The following SLC18B1 variants were observed in gnomAD, a reference collection of about 807,000 sequenced individuals.
SLC18B1 encodes MFS-type transporter SLC18B1.
SLC18B1 carries 62 observed loss-of-function variants against 53.9 expected under a neutral mutation model. The observed-to-expected ratio is 1.15, with a 90% CI of 0.94 to 1.42. The LOEUF is 1.42. Ranked by LOEUF, SLC18B1 falls within the 40% of genes most tolerant of loss-of-function variation. SLC18B1 has a pLI of 0.00. For synonymous variants in SLC18B1, 217 were observed against 200.9 expected (o/e 1.08, Z -0.68); for missense variants, 598 against 547.3 (o/e 1.09, Z -0.93).
At position 132,798,447 on chromosome 6, in the gene SLC18B1, G is replaced by A. The variant is rs962809968; in HGVS notation, c.10C>T (p.Leu4=). The A allele has an allele frequency of 3.9e-6, 6 of 1,525,356 alleles. No homozygotes were observed. The highest frequency in any genetic ancestry group is 2.6e-6 in the Non-Finnish European group (3 of 1,133,082). The allele number at this position is 1,525,356 out of a possible 1,614,324, so 94.5% of individuals were successfully genotyped here. Residue 4 remains leucine, a synonymous_variant, in exon 1 of 14, where the codon CTG becomes TTG. Coordinates refer to ENST00000275227, the MANE Select transcript of SLC18B1 (RefSeq NM_052831.3). ...GCGCGTGGTCCCTCCAGGTCACCCAGCGCCTCCATCCCCGGTGCGTGGACT... is the reference window on the plus strand; with the variant it reads ...GCGCGTGGTCCCTCCAGGTCACCCAACGCCTCCATCCCCGGTGCGTGGACT... MEA[L]GDLEGPRAPG... is the part of the protein sequence containing the mutation.
intron 11 of SLC18B1, among the ~76,000 whole-genome samples, chr6:132,771,812 C>T (rs950721552): frequency 1.3e-5 from 2 of 152,192 alleles, no homozygotes; most frequent in Admixed American, 1.3e-4. Flanking sequence ...TTAAATGAGG[C>T]TGGGCACAGT....
At chr6:132,775,914 A>T (rs1781086986) in intron 8 of SLC18B1, among the ~76,000 whole-genome samples, 1 of 152,186 alleles carries the variant, frequency 6.6e-6, no homozygotes, top group African/African-American at 2.4e-5. Flanking sequence ...AAGAGAGTTT[A>T]ATCTAGGAGC....
chr6:132,779,349 G>A lies in SLC18B1; in HGVS notation c.714C>T (p.Gly238=), dbSNP rs760229707. 9.9e-6 allele frequency: 16 copies of A among 1,613,742 alleles called. No homozygotes were observed. Among genetic ancestry groups the A allele is most frequent in the East Asian group, 2.2e-5 (1 of 44,876 alleles). ...FWKLIALPKV[G]LIAFVINSLS... is the part of the protein sequence containing the mutation. ...GTGAGTTGATGACGAAGGCTATAAG[G>A]CCAACTTTGGGTAAAGCGATCAGTT... The change falls in exon 7 of 14, where the codon GGC becomes GGT. Residue 238 remains glycine (G), a synonymous_variant. Transcript: ENST00000275227.
chr6:132,778,097 G>C (rs1391599902), intron 7 of SLC18B1, among the ~76,000 whole-genome samples: 1 of 152,136 alleles, frequency 6.6e-6, no homozygotes, highest in Non-Finnish European at 1.5e-5. Context: ...GCAGGGGCGA[G>C]GGACACAAGG....
At chr6:132,775,778 G>A (rs1447666895) in intron 8 of SLC18B1, among the ~76,000 whole-genome samples, 1 of 152,196 alleles carries the variant, frequency 6.6e-6, no homozygotes, top group African/African-American at 2.4e-5. Context: ...CACTCACACA[G>A]AAAATCTAAA....
At position 132,796,997 on chromosome 6, in the gene SLC18B1, C is replaced by G. The variant is rs41286190; in HGVS notation, c.168G>C (p.Pro56=). ...GSMMCYSILG[P]FFPKEAEKKG... ...AATGTCTTACCTCTTTGGGGAAAAACGGTCCAAGTATAGAATAGCACATCA... is the reference window on the plus strand; with the variant it reads ...AATGTCTTACCTCTTTGGGGAAAAAGGGTCCAAGTATAGAATAGCACATCA... Residue 56 remains proline (P), a synonymous_variant, in exon 2 of 14, where the codon CCG becomes CCC. Transcript: ENST00000275227. The G allele has an allele frequency of 2.5e-6, 4 of 1,612,264 alleles. No individual in the cohort carries two copies. Among genetic ancestry groups the G allele is most frequent in the African/African-American group, 1.3e-5 (1 of 74,838 alleles).
intron 9 of SLC18B1, among the ~76,000 whole-genome samples, chr6:132,773,342 A>G (rs1261693798): frequency 6.6e-6 from 1 of 152,124 alleles, no homozygotes; most frequent in Non-Finnish European, 1.5e-5. Context: ...TTGGTTACAC[A>G]TATCACATAT....
intron 6 of SLC18B1, 118 bp downstream of exon 6, chr6:132,783,815 C>A: frequency 2.5e-6 from 2 of 801,432 alleles, no homozygotes; most frequent in Non-Finnish European, 3.5e-6. Flanking sequence ...AAAAAAGAAT[C>A]AGTTATTTTT....
intron 5 of SLC18B1, among the ~76,000 whole-genome samples, chr6:132,785,897 C>CAAAAAAAAAAAAAAAAAAAAAAAAAAAAA (rs71545048): frequency 2.3e-4 from 19 of 81,156 alleles, no homozygotes; most frequent in African/African-American, 3.1e-4. Context: ...CCTGTCTCTA[C>CAAAAAAAAAAAAAAAAAAAAAAAAAAAAA]AAAAAAAAAA....
rs1562260640 is a variant in SLC18B1 at position 132,770,327 on chromosome 6, A to G, written c.1314T>C (p.Ser438=). ...CCTCCTCTGTGCTGAGGATGTTTTG[A>G]GATTTAGACCTACATTGAGGGAAAG... is the stretch of plus-strand genomic sequence containing the variant. The part of the protein sequence containing the change: ...LEYSRRKRSK[S]QNILSTEEER... The change falls in exon 14 of 14, where the codon TCT becomes TCC. Residue 438 remains serine, a synonymous_variant. Coordinates refer to ENST00000275227, the MANE Select transcript of SLC18B1 (RefSeq NM_052831.3). 1 of 1,613,246 alleles carries G rather than the reference A, an allele frequency of 6.2e-7. No individual in the cohort carries two copies.
chr6:132,792,767 A>G (rs1781583128), intron 2 of SLC18B1, among the ~76,000 whole-genome samples: 1 of 152,208 alleles, frequency 6.6e-6, no homozygotes, highest in South Asian at 2.1e-4. Context: ...CAGCAGCCGA[A>G]TGTCATTTTT....
At chr6:132,795,298 T>A (rs1341442819) in intron 2 of SLC18B1, among the ~76,000 whole-genome samples, 2 of 152,190 alleles carry the variant, frequency 1.3e-5, no homozygotes, top group African/African-American at 2.4e-5. Flanking sequence ...TTTCCCTGAT[T>A]TTTTTATACT....
At chr6:132,793,287 A>G (rs1037740098) in intron 2 of SLC18B1, among the ~76,000 whole-genome samples, 1 of 152,250 alleles carries the variant, frequency 6.6e-6, no homozygotes, top group African/African-American at 2.4e-5. Context: ...CAGAACATGC[A>G]GGAGGAAGGG....
rs1432257005 is a variant in SLC18B1 at position 132,774,233 on chromosome 6, C to T, written c.978G>A (p.Leu326=). 1.3e-6 allele frequency: 2 copies of T among 1,593,664 alleles called. No individual in the cohort carries two copies. The highest frequency in any genetic ancestry group is 1.7e-5 in the Admixed American group (1 of 57,422). ...AAGAAAAAAATTACCTTTTAATATGCAAGATTGGGACAGGCCCTAAGAGCA... is the reference window on the plus strand; with the variant it reads ...AAGAAAAAAATTACCTTTTAATATGTAAGATTGGGACAGGCCCTAAGAGCA... ...CYMLLGPVPI[L]HIKSQLWLLV... The change falls in exon 9 of 14, where the codon TTG becomes TTA. Residue 326 remains leucine (L), a synonymous_variant. Coordinates refer to ENST00000275227, the MANE Select transcript of SLC18B1 (RefSeq NM_052831.3).
At chr6:132,776,858 C>G (rs1781112209) in intron 7 of SLC18B1, among the ~76,000 whole-genome samples, 1 of 152,112 alleles carries the variant, frequency 6.6e-6, no homozygotes, top group Admixed American at 6.5e-5. Flanking sequence ...ATAGGATGGG[C>G]TGCAGCACTT....
chr6:132,787,953 A>G (rs1315404879), intron 4 of SLC18B1, among the ~76,000 whole-genome samples: 1 of 152,004 alleles, frequency 6.6e-6, no homozygotes, highest in Non-Finnish European at 1.5e-5. Context: ...CGAAGTCAGG[A>G]GATCGAGACC....
intron 2 of SLC18B1, among the ~76,000 whole-genome samples, chr6:132,796,338 G>C (rs751067277): frequency 8.4e-6 from 1 of 118,596 alleles, no homozygotes; most frequent in Admixed American, 8.7e-5. Flanking sequence ...CTGGGCGAGA[G>C]TGCGAGACTC....
At chr6:132,792,268 AAAGAAAGAAAGAAAGGAAGAAAGGAAGG>A (rs1781550454) in intron 2 of SLC18B1, among the ~76,000 whole-genome samples, 1 of 50,162 alleles carries the variant, frequency 2.0e-5, no homozygotes, top group African/African-American at 1.2e-4. Context: ...AGAAAGAAAG[AAAGAAAGAAAGAAAGGAAGAAAGGAAGG>A]AAGGAAGGAA....
chr6:132,781,570 A>G (rs1448114489), intron 6 of SLC18B1, among the ~76,000 whole-genome samples: 1 of 152,156 alleles, frequency 6.6e-6, no homozygotes, highest in Admixed American at 6.6e-5. Context: ...CAGCCTGGCC[A>G]ACATAGTGAA....
Sources: gnomAD v4.1 joint callset for allele counts (sites outside exome capture counted in the v4.1 genomes callset) on GRCh38, gnomAD v4.1.1 for gene constraint, MANE v1.5 for transcripts, NCBI Gene and HGNC (gene_info 2026-07-23, HGNC 2026-07-21) for gene names.